FAM81A: variants seen among roughly 807,000 people sequenced by gnomAD.
The protein encoded by FAM81A is protein FAM81A.
Under a neutral mutation model 46.7 loss-of-function variants are expected in FAM81A, and 19 were observed. The observed-to-expected ratio is 0.41, with a 90% CI of 0.28 to 0.60. The LOEUF is 0.60. Among genes scored for constraint, FAM81A ranks in the 20% least tolerant of loss-of-function variants. FAM81A has a pLI of 0.34. For missense variants in FAM81A, 377 were observed against 453.5 expected (o/e 0.83, Z 1.53); for synonymous variants, 183 against 152.9 (o/e 1.20, Z -1.45).
chr15:59,431,666 A>G (rs1235209313), intron 2 of FAM81A, among the ~76,000 whole-genome samples: 1 of 151,830 alleles, frequency 6.6e-6, no homozygotes, highest in Non-Finnish European at 1.5e-5. Context: ...TTCCTTTGAT[A>G]TTACCTTGGG....
chr15:59,443,872 G>C (rs1429406585), intron 1 of FAM81A: 1 of 152,308 alleles, frequency 6.6e-6, no homozygotes, highest in Non-Finnish European at 1.5e-5. Flanking sequence ...ATTGGCCGCT[G>C]CTTAGCAACA....
intron 3 of FAM81A, among the ~76,000 whole-genome samples, chr15:59,484,314 T>C (rs2081890993): frequency 6.6e-6 from 1 of 152,202 alleles, no homozygotes; most frequent in Non-Finnish European, 1.5e-5. Context: ...GATGGCAGAA[T>C]AGAAGCCTCC....
intron 7 of FAM81A, among the ~76,000 whole-genome samples, chr15:59,515,878 G>T (rs1177607409): frequency 2.6e-5 from 4 of 152,104 alleles, no homozygotes; most frequent in Non-Finnish European, 5.9e-5. Flanking sequence ...CTGGGTATAG[G>T]TAATGCAGGA....
At chr15:59,504,967 C>A (rs1159132110) in intron 4 of FAM81A, among the ~76,000 whole-genome samples, 1 of 152,178 alleles carries the variant, frequency 6.6e-6, no homozygotes, top group Non-Finnish European at 1.5e-5. Flanking sequence ...CATTGAACAT[C>A]TTAAAATTCA....
At chr15:59,416,274 G>A (rs1567037851) in intron 2 of FAM81A, among the ~76,000 whole-genome samples, 1 of 152,180 alleles carries the variant, frequency 6.6e-6, no homozygotes, top group Non-Finnish European at 1.5e-5. Flanking sequence ...TGTGCAACCG[G>A]GGCTCCGTCC....
chr15:59,409,578 C>G (rs1332412852), intron 2 of FAM81A, among the ~76,000 whole-genome samples: 1 of 152,132 alleles, frequency 6.6e-6, no homozygotes, highest in Admixed American at 6.6e-5. Context: ...CCCCACAGAT[C>G]ACTCACCGGG....
chr15:59,407,875 G>T, intron 2 of FAM81A: 2 of 200,564 alleles, frequency 1.0e-5, no homozygotes, highest in South Asian at 8.7e-5. Context: ...TATTACAGTT[G>T]AGTAGCTCTT....
At chr15:59,411,349 G>A (rs559200015) in intron 2 of FAM81A, among the ~76,000 whole-genome samples, 4 of 152,226 alleles carry the variant, frequency 2.6e-5, no homozygotes, top group South Asian at 2.1e-4. Flanking sequence ...TCAATCCATA[G>A]CAGAAACAAA....
chr15:59,502,651 T>C (rs917821968), intron 4 of FAM81A, among the ~76,000 whole-genome samples: 5 of 151,988 alleles, frequency 3.3e-5, no homozygotes, highest in Admixed American at 2.6e-4. Context: ...GTAGCTGGGA[T>C]TACAGGCGCC....
At chr15:59,464,978 G>T (rs183181393) in intron 3 of FAM81A, among the ~76,000 whole-genome samples, 1 of 152,268 alleles carries the variant, frequency 6.6e-6, no homozygotes, top group Non-Finnish European at 1.5e-5. Flanking sequence ...TCCATTTGGA[G>T]TTTATTTTTG....
chr15:59,457,106 A>G (rs1432992569), intron 1 of FAM81A, among the ~76,000 whole-genome samples: 1 of 152,230 alleles, frequency 6.6e-6, no homozygotes. Flanking sequence ...TATTTACGGT[A>G]GTCCCCCCTT....
At chr15:59,519,105 C>G (rs1181789153) in intron 8 of FAM81A, among the ~76,000 whole-genome samples, 1 of 152,002 alleles carries the variant, frequency 6.6e-6, no homozygotes, top group Non-Finnish European at 1.5e-5. Context: ...CAATTTGTAT[C>G]TTTTGACCTG....
intron 1 of FAM81A, chr15:59,440,214 A>G (rs1427368694): frequency 6.6e-6 from 1 of 151,992 alleles, no homozygotes; most frequent in East Asian, 1.9e-4. Flanking sequence ...CACCTGGGAC[A>G]TTTTGAAAAA....
intron 2 of FAM81A, among the ~76,000 whole-genome samples, chr15:59,420,241 A>G (rs6494111): frequency 1 from 152,306 of 152,372 alleles, 76,120 homozygotes; most frequent in Middle Eastern, 1. Flanking sequence ...GATTCTGGCA[A>G]TCCCCATTAT....
In FAM81A at chr15:59,516,668, G is replaced by C. The variant is rs1285814858; in HGVS notation, c.810G>C (p.Glu270Asp). ...AGGGAGCCAGTGAAAGGGATATGGA[G>C]AAGAAGCTCAGCCAGATGTCAGCCA... ...ENSGASERDMEKKLSQMSARL... is the reference protein window; with the variant it reads ...ENSGASERDMDKKLSQMSARL... Residue 270 changes from glutamate (E) to aspartate (D), a missense_variant, in exon 8 of 9, where the codon GAG becomes GAC. Coordinates refer to ENST00000288228, the MANE Select transcript of FAM81A (RefSeq NM_152450.3). The C allele has an allele frequency of 1.2e-6, 2 of 1,613,252 alleles. No individual in the cohort carries two copies. Among genetic ancestry groups the C allele is most frequent in the East Asian group, 2.2e-5 (1 of 44,862 alleles).
chr15:59,411,663 C>A (rs974839054), intron 2 of FAM81A, among the ~76,000 whole-genome samples: 1 of 152,200 alleles, frequency 6.6e-6, no homozygotes, highest in African/African-American at 2.4e-5. Context: ...CTCCTGTAAT[C>A]CCAGCACTTT....
Position 59,476,305 on chromosome 15 carries a change from C to A in FAM81A, c.295-15966C>A, listed in dbSNP as rs1432442967. 2.0e-5 allele frequency among the ~76,000 whole-genome samples: 3 copies of A among 151,892 alleles called. No homozygotes were observed. The East Asian group carries it at 5.8e-4, about 29-fold the overall frequency. On this transcript the variant is annotated intron_variant, in intron 3 of 8. Transcript: ENST00000288228. ...TGGTATGATCATGGCTCACTGCAGC[C>A]TCAACCTCCTGGGCTCAAGTAATCC...
intron 1 of FAM81A, among the ~76,000 whole-genome samples, chr15:59,442,928 T>C (rs1344970071): frequency 6.6e-6 from 1 of 152,216 alleles, no homozygotes; most frequent in African/African-American, 2.4e-5. Flanking sequence ...AATACTCGTG[T>C]ATATTTCCTT....
At chr15:59,466,503 T>C (rs961879258) in intron 3 of FAM81A, among the ~76,000 whole-genome samples, 2 of 152,366 alleles carry the variant, frequency 1.3e-5, no homozygotes, top group East Asian at 3.8e-4. Flanking sequence ...ATAGACGTCT[T>C]CTTTTGAGAT....
Sources: allele counts gnomAD v4.1 joint callset (sites outside exome capture counted in the v4.1 genomes callset), GRCh38; gene constraint gnomAD v4.1.1; transcripts MANE v1.5; gene names NCBI Gene and HGNC (gene_info 2026-07-23, HGNC 2026-07-21).